The following NEB variants were observed in gnomAD, a reference collection of about 807,000 sequenced individuals.
The protein encoded by NEB is nemaline myopathy type 2.
A neutral mutation model predicts 952.2 loss-of-function variants in NEB; 512 were observed. The ratio of observed to expected loss-of-function variants is 0.54; its 90% confidence interval spans 0.50 to 0.58. The LOEUF is 0.58. Among genes scored for constraint, NEB ranks in the 20% least tolerant of loss-of-function variants. The pLI, the probability that NEB is intolerant of heterozygous loss-of-function variation, is 0.00. For synonymous variants in NEB, 2,900 were observed against 3,149.8 expected, an observed-to-expected ratio of 0.92 and a Z score of 2.66; for missense variants, 8,428 against 9,231.1, an observed-to-expected ratio of 0.91 and a Z score of 3.56.
At chr2:151,631,398 G>A in intron 65 of NEB, 52 bp from the exon 66 acceptor site, 1 of 1,533,680 alleles carries the variant, frequency 6.5e-7, no homozygotes, top group South Asian at 1.2e-5. Context: ...CAATATTTAG[G>A]GTAAATATGC....
At chr2:151,611,036 G>A (rs945574731) in intron 78 of NEB, among the ~76,000 whole-genome samples, 170 bp from the exon 79 acceptor site, 2 of 152,212 alleles carry the variant, frequency 1.3e-5, no homozygotes, top group Admixed American at 6.5e-5. Flanking sequence ...CATGGGGAAA[G>A]TAAAACATAG....
In NEB at chr2:151,719,331, C is replaced by T. The variant is rs534245725; in HGVS notation, c.718-1811G>A. On this transcript the variant is annotated intron_variant, in intron 9 of 181. Transcript: ENST00000397345. ...GAGGAGAATTATCTTTCTAATCTTCCGTGACACAACTGTGAAGTTTCTACG... is the reference window on the plus strand; with the variant it reads ...GAGGAGAATTATCTTTCTAATCTTCTGTGACACAACTGTGAAGTTTCTACG... 2.6e-5 allele frequency among the ~76,000 whole-genome samples: 4 copies of T among 152,288 alleles called. No homozygotes were observed. In the East Asian group the frequency reaches 5.8e-4, roughly 22 times the overall value.
At position 151,687,412 on chromosome 2, in the gene NEB, C is replaced by T. The variant is rs752706153; in HGVS notation, c.2637+7G>A. ...TGAAAACAAGACAGATTCACAAAGA[C>T]ACTCACATCACTCTGGTTTTTGGCT... On this transcript the variant is annotated splice_region_variant and intron_variant, in intron 27 of 181. Transcript: ENST00000397345. The T allele has an allele frequency of 4.4e-6, 7 of 1,605,218 alleles. No homozygotes were observed. The highest frequency in any genetic ancestry group is 1.7e-5 in the Admixed American group (1 of 60,014).
rs569930213 is a variant in NEB at position 151,564,575 on chromosome 2, T to C, written c.18471+469A>G. ...CATTGGGTGCACACATGTACACTAT[T>C]GGTCTCCTTTAAATTAGCTGAATGA... On this transcript the variant is annotated intron_variant, in intron 117 of 181. Transcript: ENST00000397345. Among the ~76,000 whole-genome samples, 4 of 152,346 alleles carry C rather than the reference T, an allele frequency of 2.6e-5. No homozygotes were observed. The South Asian group carries it at 8.3e-4, about 32-fold the overall frequency.
chr2:151,697,983 T>C (rs1287158306), intron 13 of NEB, among the ~76,000 whole-genome samples: 1 of 152,208 alleles, frequency 6.6e-6, no homozygotes, highest in East Asian at 1.9e-4. Flanking sequence ...GGAGAATTGC[T>C]TGAACCCGGG....
At chr2:151,729,789 G>C in intron 3 of NEB, 133 bp from the exon 4 acceptor site, 1 of 890,448 alleles carries the variant, frequency 1.1e-6, no homozygotes, top group South Asian at 1.4e-5. Flanking sequence ...GGGTAGGTGA[G>C]GGAGCCTGTT....
intron 65 of NEB, 47 bp from the exon 66 acceptor site, chr2:151,631,393 T>G: frequency 6.4e-7 from 1 of 1,558,830 alleles, no homozygotes; most frequent in South Asian, 1.1e-5. Flanking sequence ...GACCACAATA[T>G]TTAGGGTAAA....
intron 181 of NEB, 199 bp from the exon 182 acceptor site, chr2:151,486,132 C>A (rs1007463144): frequency 5.3e-6 from 3 of 563,534 alleles, no homozygotes; most frequent in Non-Finnish European, 9.4e-6. Context: ...CAATTAATAT[C>A]CAGAACATAT....
At position 151,663,681 on chromosome 2, in the gene NEB, C is replaced by G. The variant is rs748842079; in HGVS notation, c.5630G>C (p.Ser1877Thr). The G allele has an allele frequency of 6.2e-7, 1 of 1,613,826 alleles. No individual in the cohort carries two copies. The highest frequency in any genetic ancestry group is 1.1e-5 in the South Asian group (1 of 91,086). Reference sequence around the variant, plus strand: ...CTGAGACTTCTTGGCTGCCACCACACTGAGCATGTCCACCGGGGTGTGGAA... The same window carrying G: ...CTGAGACTTCTTGGCTGCCACCACAGTGAGCATGTCCACCGGGGTGTGGAA... ...TSFHTPVDML[S>T]VVAAKKSQEV... is the part of the protein sequence containing the mutation. The change falls in exon 45 of 182, where the codon AGT (serine) becomes ACT (threonine). Residue 1877 changes from serine to threonine, a missense_variant. Coordinates refer to ENST00000397345, the MANE Select transcript of NEB (RefSeq NM_001164508.2).
At chr2:151,496,216 T>A in intron 173 of NEB, 60 bp downstream of exon 173, 2 of 1,445,848 alleles carry the variant, frequency 1.4e-6, no homozygotes, top group South Asian at 2.5e-5. Context: ...TGTATTATTT[T>A]AAATCATAAA....
At chr2:151,574,536 T>C (rs1402882233) in intron 107 of NEB, among the ~76,000 whole-genome samples, 1 of 152,216 alleles carries the variant, frequency 6.6e-6, no homozygotes, top group Non-Finnish European at 1.5e-5. Context: ...TTTTGTCAGA[T>C]GCCATGTAAA....
intron 70 of NEB, 55 bp from the exon 71 acceptor site, chr2:151,625,693 G>A: frequency 1.6e-6 from 2 of 1,248,466 alleles, no homozygotes; most frequent in Non-Finnish European, 1.1e-6. Context: ...GTAAACAGGA[G>A]TTTTCAATTA....
rs373069408 is a variant in NEB, at chr2:151,669,148, C to T, written c.4507-17G>A. 4.8e-6 allele frequency: 7 copies of T among 1,456,980 alleles called. No homozygotes were observed. Among genetic ancestry groups the T allele is most frequent in the African/African-American group, 1.4e-5 (1 of 71,418 alleles). 90.3% of individuals were successfully genotyped at this position (1,456,980 alleles called of 1,614,324 possible). A position where few individuals can be genotyped will look rare whatever the true frequency, so the allele number is the denominator to read the frequency against. Reference sequence around the variant, plus strand: ...GTAGTTCAACTAAAAACAAAGGAGACAGCATGCACATATCATTAGCTGACA... The same window carrying T: ...GTAGTTCAACTAAAAACAAAGGAGATAGCATGCACATATCATTAGCTGACA... On this transcript the variant is annotated splice_polypyrimidine_tract_variant and intron_variant, in intron 38 of 181. Coordinates refer to ENST00000397345, the MANE Select transcript of NEB (RefSeq NM_001164508.2).
At position 151,617,382 on chromosome 2, in the gene NEB, G is replaced by A. The variant is rs1387561363; in HGVS notation, c.11163C>T (p.Asn3721=). 2 of 1,557,990 alleles carry A rather than the reference G, an allele frequency of 1.3e-6. No homozygotes were observed. Among genetic ancestry groups the A allele is most frequent in the Non-Finnish European group, 1.7e-6 (2 of 1,147,374 alleles). ...TACTTACATCACTGTAGTTTATTCG[G>A]TTGAGTTTGGCTAACATGATTTCTG... ...DTPEIMLAKL[N]RINYSDKLYK... is the part of the protein sequence containing the mutation. Residue 3721 remains asparagine (N), a synonymous_variant, in exon 75 of 182, where the codon AAC becomes AAT. Coordinates refer to ENST00000397345, the MANE Select transcript of NEB (RefSeq NM_001164508.2).
intron 143 of NEB, chr2:151,532,150 G>A: frequency 3.2e-6 from 1 of 311,990 alleles, no homozygotes; most frequent in Non-Finnish European, 6.0e-6. Context: ...AGGCTGGAGT[G>A]CAGTGGTGCG....
chr2:151,679,050 G>A (rs778577403), intron 32 of NEB, among the ~76,000 whole-genome samples: 1 of 152,148 alleles, frequency 6.6e-6, no homozygotes, highest in Non-Finnish European at 1.5e-5. Context: ...GGAGGAGGGC[G>A]CAGATGAGCT....
intron 130 of NEB, 45 bp from the exon 131 acceptor site, chr2:151,548,460 G>T: frequency 1.6e-6 from 2 of 1,254,340 alleles, no homozygotes; most frequent in South Asian, 1.2e-5. Flanking sequence ...GGTAAACAAG[G>T]ACCAACATTA....
rs2099386045 is a variant in NEB, at chr2:151,678,058, CT to C, written c.3384del (p.Asp1129ThrfsTer55). 4 of 1,613,742 alleles carry C rather than the reference CT, an allele frequency of 2.5e-6. No homozygotes were observed. Among genetic ancestry groups the C allele is most frequent in the East Asian group, 2.2e-5 (1 of 44,884 alleles). ...AKIQSDREYKKDYEKTKSKYN... is the reference protein window; with the variant it reads ...AKIQSDREYKXDYEKTKSKYN... ...TATTTGGACTTTGTCTTCTCATAGT[CT>C]TTTTTATACTCCCGATCTGATTGTA... is the stretch of plus-strand genomic sequence containing the variant. On this transcript the variant is annotated frameshift_variant, in exon 33 of 182. Coordinates refer to ENST00000397345, the MANE Select transcript of NEB (RefSeq NM_001164508.2). LOFTEE classifies it high-confidence loss of function.
rs2076738641 is a variant in NEB at position 151,514,845 on chromosome 2, G to C, written c.22989C>G (p.Val7663=). The change falls in exon 158 of 182, where the codon GTC becomes GTG. Residue 7663 remains valine (V), a synonymous_variant. Coordinates refer to ENST00000397345, the MANE Select transcript of NEB (RefSeq NM_001164508.2). The part of the protein sequence containing the change: ...GLEVTPALLH[V]KYATKIASEK... ...CGCTTGCTATTTTAGTTGCATATTT[G>C]ACATGTAACAAAGCTGGCGTGACCT... 6.3e-7 allele frequency: 1 copy of C among 1,583,390 alleles called. No homozygotes were observed. Among genetic ancestry groups the C allele is most frequent in the East Asian group, 2.3e-5 (1 of 44,046 alleles).
Sources: allele counts gnomAD v4.1 joint callset (sites outside exome capture counted in the v4.1 genomes callset), GRCh38; gene constraint gnomAD v4.1.1; transcripts MANE v1.5; gene names NCBI Gene and HGNC (gene_info 2026-07-23, HGNC 2026-07-21).